The following CNTN5 variants were observed in gnomAD, a reference collection of about 807,000 sequenced individuals.
CNTN5 encodes contactin-5.
Under a neutral mutation model 129.1 loss-of-function variants are expected in CNTN5, and 77 were observed. The observed-to-expected ratio is 0.60, with a 90% CI of 0.50 to 0.72. CNTN5 has a LOEUF of 0.72. Among genes scored for constraint, CNTN5 ranks in the 30% least tolerant of loss-of-function variants. The pLI is 0.00. For missense variants in CNTN5, 1,478 were observed against 1,328.8 expected (o/e 1.11, Z -1.75); for synonymous variants, 509 against 465.6 (o/e 1.09, Z -1.20).
chr11:99,325,230 G>A (rs1865733235), intron 1 of CNTN5, 116 bp from the exon 2 acceptor site: 1 of 151,996 alleles, frequency 6.6e-6, no homozygotes, highest in Non-Finnish European at 1.5e-5. Flanking sequence ...GTGATTGTAT[G>A]TATAACTAAA....
At chr11:100,175,492 AAGTATATTC>A (rs1173949743) in intron 13 of CNTN5, among the ~76,000 whole-genome samples, 1 of 152,120 alleles carries the variant, frequency 6.6e-6, no homozygotes, top group Non-Finnish European at 1.5e-5. Context: ...ACAGTGATTC[AAGTATATTC>A]AGTTTGATTT....
chr11:99,810,966 A>G (rs79007779), intron 3 of CNTN5, among the ~76,000 whole-genome samples: 11,910 of 152,132 alleles, frequency 0.078, 705 homozygotes, highest in African/African-American at 0.17. Context: ...TCTCAAGAAT[A>G]TTATGCTCTC....
chr11:99,791,459 A>G (rs1329948653), intron 3 of CNTN5, among the ~76,000 whole-genome samples: 2 of 152,018 alleles, frequency 1.3e-5, no homozygotes, highest in Non-Finnish European at 2.9e-5. Flanking sequence ...TTGCAGGTGC[A>G]TGGCATTATT....
chr11:99,591,952 AT>A (rs1038760445), intron 3 of CNTN5, among the ~76,000 whole-genome samples: 1 of 152,170 alleles, frequency 6.6e-6, no homozygotes, highest in Admixed American at 6.5e-5. Context: ...AAAAGTAACA[AT>A]TTTTTTAAGA....
At chr11:100,252,203 T>C (rs181152746) in intron 16 of CNTN5, among the ~76,000 whole-genome samples, 1 of 152,248 alleles carries the variant, frequency 6.6e-6, no homozygotes, top group East Asian at 1.9e-4. Context: ...TTTGTGGTCA[T>C]TTGTGTGTCT....
At chr11:99,497,652 C>T (rs373489479) in intron 2 of CNTN5, among the ~76,000 whole-genome samples, 32 of 151,996 alleles carry the variant, frequency 2.1e-4, no homozygotes, top group Admixed American at 5.2e-4. Context: ...ATATATAATC[C>T]TAAGATTATG....
At chr11:99,502,397 A>G (rs1315564804) in intron 2 of CNTN5, among the ~76,000 whole-genome samples, 2 of 152,030 alleles carry the variant, frequency 1.3e-5, no homozygotes, top group African/African-American at 4.8e-5. Flanking sequence ...GACGAGATGG[A>G]GGTAATTGAA....
intron 21 of CNTN5, among the ~76,000 whole-genome samples, chr11:100,315,221 C>CTTGGCATT (rs1486508794): frequency 2.0e-5 from 3 of 152,180 alleles, no homozygotes; most frequent in Non-Finnish European, 4.4e-5. Flanking sequence ...TCTACTTACA[C>CTTGGCATT]TTGGCATTTT....
chr11:99,647,174 G>A (rs1348221974), intron 3 of CNTN5, among the ~76,000 whole-genome samples: 1 of 151,936 alleles, frequency 6.6e-6, no homozygotes, highest in African/African-American at 2.4e-5. Flanking sequence ...GTCTTACATT[G>A]AGGTCTTCAA....
At chr11:99,109,034 CATATGT>C (rs1013395831) in intron 1 of CNTN5, among the ~76,000 whole-genome samples, 9 of 151,336 alleles carry the variant, frequency 5.9e-5, no homozygotes, top group Admixed American at 2.6e-4. Context: ...AGTATATGTA[CATATGT>C]ATATGTATAT....
chr11:99,225,101 A>G (rs1411555682), intron 1 of CNTN5, among the ~76,000 whole-genome samples: 1 of 152,208 alleles, frequency 6.6e-6, no homozygotes, highest in Non-Finnish European at 1.5e-5. Flanking sequence ...TACAAAAATG[A>G]GACTAGATGA....
At chr11:99,104,092 A>C (rs1164721313) in intron 1 of CNTN5, among the ~76,000 whole-genome samples, 2 of 152,248 alleles carry the variant, frequency 1.3e-5, no homozygotes, top group African/African-American at 2.4e-5. Context: ...ACAAACATTC[A>C]TAATGAACAT....
chr11:99,591,121 G>T (rs1949965628), intron 3 of CNTN5, among the ~76,000 whole-genome samples: 1 of 152,016 alleles, frequency 6.6e-6, no homozygotes, highest in Non-Finnish European at 1.5e-5. Flanking sequence ...TTCCTGCCCT[G>T]TTTAGAGGCT....
intron 6 of CNTN5, among the ~76,000 whole-genome samples, chr11:99,905,719 A>G (rs970879050): frequency 3.9e-5 from 6 of 152,112 alleles, no homozygotes; most frequent in Non-Finnish European, 7.3e-5. Flanking sequence ...GAATCTACAC[A>G]TTACTTTGGG....
chr11:100,286,936 A>G (rs1376410857), intron 18 of CNTN5, among the ~76,000 whole-genome samples: 16 of 152,120 alleles, frequency 1.1e-4, no homozygotes, highest in African/African-American at 2.9e-4. Flanking sequence ...TGAAAACCAA[A>G]GCTCGAGAAC....
chr11:99,837,336 C>A (rs1591284888), intron 4 of CNTN5, among the ~76,000 whole-genome samples: 1 of 152,264 alleles, frequency 6.6e-6, no homozygotes, highest in East Asian at 1.9e-4. Context: ...AACACATTAA[C>A]ATGTTTCTTT....
intron 2 of CNTN5, among the ~76,000 whole-genome samples, chr11:99,396,773 A>C (rs2136200823): frequency 6.6e-6 from 1 of 151,904 alleles, no homozygotes; most frequent in Non-Finnish European, 1.5e-5. Context: ...AAAAGAAAAG[A>C]TAAAGTAAGA....
intron 2 of CNTN5, among the ~76,000 whole-genome samples, chr11:99,423,029 G>A (rs553385211): frequency 1.3e-5 from 2 of 152,136 alleles, no homozygotes; most frequent in South Asian, 4.1e-4. Flanking sequence ...GCAATCACAG[G>A]AAATACACTA....
At chr11:99,566,611 C>A (rs1010061178) in intron 3 of CNTN5, among the ~76,000 whole-genome samples, 2 of 152,096 alleles carry the variant, frequency 1.3e-5, no homozygotes, top group Non-Finnish European at 2.9e-5. Context: ...CAGAGAATAG[C>A]AGTGGCCAGC....
Sources: allele counts gnomAD v4.1 joint callset (sites outside exome capture counted in the v4.1 genomes callset), GRCh38; gene constraint gnomAD v4.1.1; transcripts MANE v1.5; gene names NCBI Gene and HGNC (gene_info 2026-07-23, HGNC 2026-07-21).